STRA8: variants seen among roughly 807,000 people sequenced by gnomAD.
STRA8 encodes stimulated by retinoic acid 8.
A neutral mutation model predicts 37.1 loss-of-function variants in STRA8; 18 were observed. The ratio of observed to expected loss-of-function variants is 0.48; its 90% CI spans 0.34 to 0.72. The LOEUF is 0.72. Among genes scored for constraint, STRA8 ranks in the 30% least tolerant of loss-of-function variants. The pLI is 0.01. For synonymous variants in STRA8, 168 were observed against 162.9 expected, an observed-to-expected ratio of 1.03 and a Z score of -0.24; for missense variants, 357 against 410.4, an observed-to-expected ratio of 0.87 and a Z score of 1.13.
chr7:135,247,137 G>C (rs113633143), intron 6 of STRA8: 139 of 157,630 alleles, frequency 8.8e-4, no homozygotes, highest in Non-Finnish European at 1.7e-3. Context: ...GAGCCACCGC[G>C]CCCGGCCGGT....
At position 135,251,817 on chromosome 7, in the gene STRA8, G is replaced by A. The variant is rs1181565443; in HGVS notation, c.901G>A (p.Asp301Asn). Residue 301 changes from aspartate (D) to asparagine (N), a missense_variant, in exon 7 of 9, where the codon GAT becomes AAT. By Grantham distance (23) the Asp-to-Asn change is conservative. Coordinates refer to ENST00000662584, the MANE Select transcript of STRA8 (RefSeq NM_001394401.1). ...PEEILFEDAF[D>N]VASFLDKSEV... ...TCAGATCCTTTTTGAGGATGCCTTT[G>A]ATGTGGCAAGCTTCCTGGACAAAAG... 1 of 1,614,182 alleles carries A rather than the reference G, an allele frequency of 6.2e-7. No homozygotes were observed. Among genetic ancestry groups the A allele is most frequent in the Admixed American group, 1.7e-5 (1 of 60,024 alleles).
At position 135,234,091 on chromosome 7, in the gene STRA8, G is replaced by GATT. The variant is rs1405282437; in HGVS notation, c.-7+190_-7+191insTAT. Among the ~76,000 whole-genome samples the GATT allele has an allele frequency of 6.4e-3, 948 of 148,882 alleles. 17 individuals are homozygous for GATT. Among genetic ancestry groups the GATT allele is most frequent in the East Asian group, 0.062 (316 of 5,088 alleles). Reference sequence around the variant, plus strand: ...GAGAGTGATTCTGGATGATGATGATGATGATGATGATGATTATTATTATTA... The same window carrying GATT: ...GAGAGTGATTCTGGATGATGATGATGATTATGATGATGATGATTATTATTATTA... On this transcript the variant is annotated intron_variant, in intron 1 of 8. Coordinates refer to ENST00000662584, the MANE Select transcript of STRA8 (RefSeq NM_001394401.1).
chr7:135,236,008 G>A (rs1351199591), intron 1 of STRA8, among the ~76,000 whole-genome samples: 1 of 151,892 alleles, frequency 6.6e-6, no homozygotes, highest in Non-Finnish European at 1.5e-5. Flanking sequence ...AGGATGTGGT[G>A]GAAGGATTAC....
intron 2 of STRA8, 63 bp from the exon 3 acceptor site, chr7:135,242,718 G>A: frequency 6.5e-7 from 1 of 1,545,464 alleles, no homozygotes; most frequent in Non-Finnish European, 8.9e-7. Context: ...GGATTCCTGG[G>A]TCCACAAAAT....
intron 4 of STRA8, 68 bp downstream of exon 4, chr7:135,243,478 T>C (rs1832498498): frequency 6.8e-7 from 1 of 1,472,502 alleles, no homozygotes. Flanking sequence ...TACTGTCTGG[T>C]GGCAACTCAC....
rs1169408859 is a variant in STRA8, at chr7:135,233,902, G to A, written c.-8G>A. ...TGGGGACGTCGCGTGCACCGTTGGC[G>A]AGTAAGTATCCTTTGAACGCTCCTC... On this transcript the variant is annotated splice_region_variant and 5_prime_UTR_variant, in exon 1 of 9. Coordinates refer to ENST00000662584, the MANE Select transcript of STRA8 (RefSeq NM_001394401.1). 6.6e-6 allele frequency among the ~76,000 whole-genome samples: 1 copy of A among 152,184 alleles called. No individual in the cohort carries two copies. Among genetic ancestry groups the A allele is most frequent in the African/African-American group, 2.4e-5 (1 of 41,446 alleles).
At chr7:135,248,779 C>T (rs538081864) in intron 6 of STRA8, among the ~76,000 whole-genome samples, 24 of 152,272 alleles carry the variant, frequency 1.6e-4, no homozygotes, top group Non-Finnish European at 2.4e-4. Flanking sequence ...AAGCTTCCCT[C>T]GTGGCTAGTG....
intron 6 of STRA8, among the ~76,000 whole-genome samples, chr7:135,251,278 G>T (rs1181385126): frequency 2.6e-5 from 4 of 152,200 alleles, no homozygotes; most frequent in Non-Finnish European, 4.4e-5. Context: ...AGGAGGATTT[G>T]TGAGATGAAG....
chr7:135,240,686 G>A lies in STRA8; in HGVS notation c.162G>A (p.Val54=), dbSNP rs748104226. The change falls in exon 2 of 9, where the codon GTG becomes GTA. Residue 54 remains valine, a synonymous_variant. Coordinates refer to ENST00000662584, the MANE Select transcript of STRA8 (RefSeq NM_001394401.1). ...AALFNNLRKT[V]YSQSDLIASK... ...TCTTCAACAACCTCAGGAAGACAGT[G>A]TACTCTCAGTCTGATCTCATAGCCT... The A allele has an allele frequency of 1.2e-6, 2 of 1,613,986 alleles. No homozygotes were observed. Among genetic ancestry groups the A allele is most frequent in the Admixed American group, 1.7e-5 (1 of 60,026 alleles).
intron 6 of STRA8, among the ~76,000 whole-genome samples, chr7:135,247,904 C>G (rs1021914714): frequency 6.6e-6 from 1 of 152,236 alleles, no homozygotes; most frequent in Non-Finnish European, 1.5e-5. Flanking sequence ...ACACGGCCCA[C>G]GCTCGCTCCT....
In STRA8 at chr7:135,255,202, T is replaced by C. The variant is rs756560281; in HGVS notation, c.1042T>C (p.Cys348Arg). The change falls in exon 8 of 9, where the codon TGT (cysteine) becomes CGT (arginine). Residue 348 changes from cysteine (C) to arginine (R), a missense_variant. Physicochemically the swap from Cys to Arg is radical, Grantham distance 180. Transcript: ENST00000662584. ...CATCAACTTTTTTAAAGGCCTTAGC[T>C]GTGCAAACACTCAAGTAAAGCAGGT... ...QIINFFKGLS[C>R]ANTQVKQEAS... 6.2e-7 allele frequency: 1 copy of C among 1,613,870 alleles called. No individual in the cohort carries two copies. The highest frequency in any genetic ancestry group is 1.1e-5 in the South Asian group (1 of 91,072).
At chr7:135,241,797 G>A (rs1208952822) in intron 2 of STRA8, among the ~76,000 whole-genome samples, 1 of 152,144 alleles carries the variant, frequency 6.6e-6, no homozygotes, top group Non-Finnish European at 1.5e-5. Context: ...AGCACCCTGA[G>A]AGAGGGGACT....
At chr7:135,238,520 G>A (rs1832413103) in intron 1 of STRA8, among the ~76,000 whole-genome samples, 3 of 152,230 alleles carry the variant, frequency 2.0e-5, no homozygotes, top group Admixed American at 2.0e-4. Context: ...CAAGCCCAGA[G>A]GCCTTTGGTG....
Position 135,255,100 on chromosome 7 carries a change from C to A in STRA8, c.954-14C>A. The A allele has an allele frequency of 6.2e-7, 1 of 1,607,526 alleles. No individual in the cohort carries two copies. The highest frequency in any genetic ancestry group is 1.1e-5 in the South Asian group (1 of 90,886). ...CCTGAATATTTGTTGCCTTTTCTTC[C>A]TTTCTGTTGTCAGTTCAGTGCTTGC... On this transcript the variant is annotated splice_polypyrimidine_tract_variant and intron_variant, in intron 7 of 8. Coordinates refer to ENST00000662584, the MANE Select transcript of STRA8 (RefSeq NM_001394401.1).
chr7:135,232,171 G>T (rs1375645777), upstream of STRA8: 2 of 846,414 alleles, frequency 2.4e-6, no homozygotes, highest in African/African-American at 3.3e-5. Flanking sequence ...TCAGAGGTCA[G>T]TTTCCAAACC....
At chr7:135,243,263 G>A (rs1832494582) in intron 3 of STRA8, 63 bp from the exon 4 acceptor site, 3 of 1,571,522 alleles carry the variant, frequency 1.9e-6, no homozygotes, top group African/African-American at 1.4e-5. Flanking sequence ...CCAGAAGGGT[G>A]GGAGAGACTC....
intron 7 of STRA8, 127 bp from the exon 8 acceptor site, chr7:135,254,987 T>C: frequency 2.7e-6 from 2 of 741,980 alleles, no homozygotes. Flanking sequence ...AGGAGAGGTC[T>C]GGGCTGTCTG....
At chr7:135,233,060 G>T (rs967277166), upstream of STRA8, among the ~76,000 whole-genome samples, 2 of 152,186 alleles carry the variant, frequency 1.3e-5, no homozygotes, top group African/African-American at 2.4e-5. Flanking sequence ...CAGATATAGT[G>T]GGATCATGAG....
chr7:135,246,989 C>A lies in STRA8; in HGVS notation c.879+287C>A, dbSNP rs1334122594. Reference sequence around the variant, plus strand: ...CCTCCCGAATAGCTGGGACTACAGGCGCCCGCCACCACGCCCGGCTAATTT... The same window carrying A: ...CCTCCCGAATAGCTGGGACTACAGGAGCCCGCCACCACGCCCGGCTAATTT... On this transcript the variant is annotated intron_variant, in intron 6 of 8. Transcript: ENST00000662584. This position sits in a 1 kb window ranked among gnomAD's most constrained non-coding sequence, Gnocchi z 5.4. 1 of 348,458 alleles carries A rather than the reference C, an allele frequency of 2.9e-6. No individual in the cohort carries two copies. The highest frequency in any genetic ancestry group is 2.2e-5 in the African/African-American group (1 of 45,906). The allele number at this position is 348,458 out of a possible 1,614,324, so 21.6% of individuals were successfully genotyped here.
Sources: allele counts gnomAD v4.1 joint callset (sites outside exome capture counted in the v4.1 genomes callset), GRCh38; gene constraint gnomAD v4.1.1; non-coding constraint Gnocchi (gnomAD v3.1); transcripts MANE v1.5; gene names NCBI Gene and HGNC (gene_info 2026-07-23, HGNC 2026-07-21).